The following FGF12 variants were observed in gnomAD, a reference collection of about 807,000 sequenced individuals.
FGF12 encodes fibroblast growth factor 12, also known as fibroblast growth factor 12B.
A neutral mutation model predicts 23.6 loss-of-function variants in FGF12; 14 were observed. The observed-to-expected ratio is 0.59, with a 90% CI of 0.39 to 0.93. The LOEUF is 0.93. Among genes scored for constraint, FGF12 ranks in the 40% least tolerant of loss-of-function variants. The probability of loss-of-function intolerance (pLI) is 0.00; values close to 1 mark genes in which losing one functional copy is unlikely to be tolerated. For missense variants in FGF12, 175 were observed against 217.8 expected (o/e 0.80, Z 1.24); for synonymous variants, 62 against 77.3 (o/e 0.80, Z 1.04).
At chr3:192,653,702 T>C (rs1398350651) in intron 2 of FGF12, among the ~76,000 whole-genome samples, 4 of 150,628 alleles carry the variant, frequency 2.7e-5, no homozygotes, top group Non-Finnish European at 5.9e-5. Flanking sequence ...TCTTTCAATA[T>C]ATATTCCTCA....
intron 4 of FGF12, among the ~76,000 whole-genome samples, chr3:192,189,200 GATTT>G (rs1452182817): frequency 2.0e-5 from 3 of 152,092 alleles, no homozygotes; most frequent in African/African-American, 4.8e-5. Flanking sequence ...GATTTCCTTT[GATTT>G]ATTTATTCTC....
intron 2 of FGF12, among the ~76,000 whole-genome samples, chr3:192,725,694 AC>A (rs572868847): frequency 2.5e-4 from 38 of 152,344 alleles, no homozygotes; most frequent in African/African-American, 8.7e-4. Context: ...AAATTTAGTG[AC>A]CAAATACCAG....
At chr3:192,479,746 T>C (rs564865822) in intron 2 of FGF12, among the ~76,000 whole-genome samples, 1 of 152,336 alleles carries the variant, frequency 6.6e-6, no homozygotes, top group Non-Finnish European at 1.5e-5. Context: ...GCCCAGTTTC[T>C]GGAGTTTGCA....
chr3:192,360,429 G>A lies in FGF12; in HGVS notation c.123C>T (p.Tyr41=). 6.3e-7 allele frequency: 1 copy of A among 1,593,452 alleles called. No individual in the cohort carries two copies. Among genetic ancestry groups the A allele is most frequent in the Non-Finnish European group, 8.6e-7 (1 of 1,161,186 alleles). Residue 41 remains tyrosine (Y), a splice_region_variant and synonymous_variant, in exon 3 of 6, where the codon TAC becomes TAT. Transcript: ENST00000445105. This position sits in a 1 kb window ranked among gnomAD's most constrained non-coding sequence, Gnocchi z 4.3. ...TTGTAAGAAGCTAATGTTTCTTACT[G>A]TAGTCGCTGTTTTCGTCCTTGGTCC... The part of the protein sequence containing the change: ...IDGTKDENSD[Y]TLFNLIPVGL...
chr3:192,699,508 G>A (rs1485372383), intron 2 of FGF12, among the ~76,000 whole-genome samples: 1 of 152,138 alleles, frequency 6.6e-6, no homozygotes, highest in Admixed American at 6.5e-5. Context: ...TAAAAGAAGA[G>A]CACAATGATC....
chr3:192,305,073 AAGG>A (rs1411299108), intron 4 of FGF12, among the ~76,000 whole-genome samples: 6 of 152,100 alleles, frequency 3.9e-5, no homozygotes, highest in Non-Finnish European at 7.4e-5. Flanking sequence ...AAGGGAGAGG[AAGG>A]AGGGAAATAA....
chr3:192,213,576 G>A (rs1475504463), intron 4 of FGF12, among the ~76,000 whole-genome samples: 2 of 152,074 alleles, frequency 1.3e-5, no homozygotes, highest in East Asian at 1.9e-4. Context: ...ATCTGAGATC[G>A]CCCAGCTTAG....
intron 2 of FGF12, among the ~76,000 whole-genome samples, chr3:192,406,121 C>T (rs1338539040): frequency 6.6e-6 from 1 of 152,004 alleles, no homozygotes; most frequent in African/African-American, 2.4e-5. Context: ...CAGAAACTGC[C>T]TCAAATCTCT....
At chr3:192,381,467 G>A (rs764753506) in intron 2 of FGF12, among the ~76,000 whole-genome samples, 28 of 152,128 alleles carry the variant, frequency 1.8e-4, no homozygotes, top group Non-Finnish European at 3.2e-4. Context: ...AGGCGGTATG[G>A]CTAGTGTCCT....
At chr3:192,258,530 G>A (rs575612545) in intron 4 of FGF12, among the ~76,000 whole-genome samples, 105 of 152,148 alleles carry the variant, frequency 6.9e-4, no homozygotes, top group African/African-American at 2.5e-3. Context: ...TAATAAAAAC[G>A]TATTTAAAGC....
intron 2 of FGF12, among the ~76,000 whole-genome samples, chr3:192,427,380 GA>G (rs11359837): frequency 0.61 from 86,171 of 141,488 alleles, 25,642 homozygotes; most frequent in African/African-American, 0.7. Context: ...CTCCGTCTCT[GA>G]AAAAAAAAAA....
At position 192,496,418 on chromosome 3, in the gene FGF12, G is replaced by A. The variant is rs151260862; in HGVS notation, c.14-135880C>T. ...CCAAGCCTGACATTTGCCAGCCATA[G>A]GAAGACGCTTTTACACTTGCAATAT... On this transcript the variant is annotated intron_variant, in intron 2 of 5. Coordinates refer to ENST00000445105, the MANE Select transcript of FGF12 (RefSeq NM_004113.6). 2.9e-3 allele frequency among the ~76,000 whole-genome samples: 447 copies of A among 152,140 alleles called. 1 individual carries two copies. Among genetic ancestry groups the A allele is most frequent in the Non-Finnish European group, 3.0e-3 (206 of 67,992 alleles).
At chr3:192,317,377 T>C (rs536192215) in intron 4 of FGF12, among the ~76,000 whole-genome samples, 1 of 151,932 alleles carries the variant, frequency 6.6e-6, no homozygotes, top group African/African-American at 2.4e-5. Context: ...GACCCAGCCC[T>C]GGCAACGTTC....
intron 4 of FGF12, among the ~76,000 whole-genome samples, chr3:192,305,875 T>A (rs1480146416): frequency 2.2e-5 from 3 of 138,820 alleles, no homozygotes; most frequent in African/African-American, 5.4e-5. Flanking sequence ...TTTTTTTTTT[T>A]TTTGAGATGG....
intron 4 of FGF12, among the ~76,000 whole-genome samples, chr3:192,259,290 G>C (rs6793796): frequency 0.42 from 63,463 of 151,874 alleles, 14,153 homozygotes; most frequent in East Asian, 0.94. Context: ...CATAAGATAA[G>C]AGTTGTATTG....
chr3:192,641,691 C>G (rs1256147783), intron 2 of FGF12, among the ~76,000 whole-genome samples: 1 of 152,210 alleles, frequency 6.6e-6, no homozygotes, highest in Non-Finnish European at 1.5e-5. Context: ...CAGGCGTGAG[C>G]CACAGTGCCT....
chr3:192,543,281 C>T (rs1173736351), intron 2 of FGF12, among the ~76,000 whole-genome samples: 2 of 152,122 alleles, frequency 1.3e-5, no homozygotes, highest in African/African-American at 4.8e-5. Flanking sequence ...TGCCTGTGGC[C>T]ACCCTTGCCC....
At chr3:192,332,372 AT>A (rs1717169144) in intron 4 of FGF12, among the ~76,000 whole-genome samples, 1 of 152,260 alleles carries the variant, frequency 6.6e-6, no homozygotes, top group African/African-American at 2.4e-5. Context: ...AAATAAAAAA[AT>A]GTGAATAAAG....
rs1218839755 is a variant in FGF12, at chr3:192,150,477, T to G, written c.428-6350A>C. 3.2e-5 allele frequency among the ~76,000 whole-genome samples: 4 copies of G among 126,082 alleles called. No individual in the cohort carries two copies. The Admixed American group carries it at 3.3e-4, about 10-fold the overall frequency. 82.7% of individuals were successfully genotyped at this position (126,082 alleles called of 152,430 possible). On this transcript the variant is annotated intron_variant, in intron 5 of 5. Coordinates refer to ENST00000445105, the MANE Select transcript of FGF12 (RefSeq NM_004113.6). ...TAACGTTTAAATCTTTAATCCATCT[T>G]GAATTGATTTTTGTATAAGGTGTAA... is the stretch of plus-strand genomic sequence containing the variant.
Sources: allele counts gnomAD v4.1 joint callset (sites outside exome capture counted in the v4.1 genomes callset), GRCh38; gene constraint gnomAD v4.1.1; non-coding constraint Gnocchi (gnomAD v3.1); transcripts MANE v1.5; gene names NCBI Gene and HGNC (gene_info 2026-07-23, HGNC 2026-07-21).